The following SV2C variants were observed in gnomAD, a reference collection of about 807,000 sequenced individuals.
The protein encoded by SV2C is solute carrier family 22 member B3.
A neutral mutation model predicts 79.7 loss-of-function variants in SV2C; 49 were observed. The ratio of observed to expected loss-of-function variants is 0.61; its 90% CI spans 0.49 to 0.78. SV2C has a LOEUF of 0.78. Among genes scored for constraint, SV2C ranks in the 30% least tolerant of loss-of-function variants. SV2C has a pLI of 0.00. For synonymous variants in SV2C, 334 were observed against 333.2 expected (o/e 1.00, Z -0.03); for missense variants, 833 against 912.9 (o/e 0.91, Z 1.13).
chr5:76,069,198 C>CA, the SV2C span, among the ~76,000 whole-genome samples: 1 of 152,162 alleles, frequency 6.6e-6, no homozygotes, highest in Non-Finnish European at 1.5e-5. Flanking sequence ...ATCTGGGGTG[C>CA]AGATTCTCTA....
In SV2C at chr5:76,324,261, G is replaced by T. The variant is rs140595843; in HGVS notation, c.2001-1103G>T. On this transcript the variant is annotated intron_variant, in intron 12 of 12. Transcript: ENST00000502798. The stretch of plus-strand genomic sequence containing the variant: ...AGGTGTAAGACACCCTGCTCAGCCT[G>T]CCATACATTTTAACTTTGGAATGAA... 7.5e-3 allele frequency among the ~76,000 whole-genome samples: 1,146 copies of T among 152,154 alleles called. 18 individuals carry two copies. Among genetic ancestry groups the T allele is most frequent in the African/African-American group, 0.026 (1,073 of 41,488 alleles).
At chr5:76,077,630 T>A in the SV2C span, among the ~76,000 whole-genome samples, 1 of 152,190 alleles carries the variant, frequency 6.6e-6, no homozygotes, top group Non-Finnish European at 1.5e-5. Flanking sequence ...AGCAATCCAC[T>A]TGCCAAACTG....
rs182632736 is a variant in SV2C at position 76,131,510 on chromosome 5, A to G, written c.-101-140A>G. ...CTAGGGTGTACATGTATATACAGTG[A>G]GATCAAAAAAAAAAAAAAAAGGAAA... On this transcript the variant is annotated intron_variant, in intron 1 of 12. Coordinates refer to ENST00000502798, the MANE Select transcript of SV2C (RefSeq NM_014979.4). 9.9e-5 allele frequency: 29 copies of G among 292,000 alleles called. 1 individual carries two copies. In the East Asian group the frequency reaches 1.7e-3, roughly 17 times the overall value. 18.1% of individuals were successfully genotyped at this position (292,000 alleles called of 1,614,324 possible). A position where few individuals can be genotyped will look rare whatever the true frequency, so the allele number is the denominator to read the frequency against.
intron 4 of SV2C, among the ~76,000 whole-genome samples, chr5:76,231,634 G>A (rs1487730066): frequency 7.2e-6 from 1 of 139,800 alleles, no homozygotes; most frequent in African/African-American, 3.2e-5. Context: ...TCCCCTTCCT[G>A]TGTCCATGTG....
At chr5:76,267,177 T>C (rs1488347884) in intron 4 of SV2C, among the ~76,000 whole-genome samples, 1 of 152,198 alleles carries the variant, frequency 6.6e-6, no homozygotes, top group Non-Finnish European at 1.5e-5. Context: ...TAGTAACATG[T>C]GGGAATGAGT....
At chr5:76,212,341 G>T (rs1744789767) in intron 4 of SV2C, among the ~76,000 whole-genome samples, 1 of 152,102 alleles carries the variant, frequency 6.6e-6, no homozygotes, top group African/African-American at 2.4e-5. Context: ...TTCAAATAAG[G>T]GCTGCTCCAG....
chr5:76,318,305 C>T (rs1748705240), intron 12 of SV2C, among the ~76,000 whole-genome samples: 1 of 152,060 alleles, frequency 6.6e-6, no homozygotes, highest in South Asian at 2.1e-4. Context: ...GTAATCCCAG[C>T]TACTTGGGAG....
chr5:76,209,749 A>G lies in SV2C; in HGVS notation c.775A>G (p.Ile259Val). 1 of 1,614,138 alleles carries G rather than the reference A, an allele frequency of 6.2e-7. No individual in the cohort carries two copies. The highest frequency in any genetic ancestry group is 8.5e-7 in the Non-Finnish European group (1 of 1,179,982). Reference sequence around the variant, plus strand: ...ACCTCTTGGCAGGATTGGAGGAGCCATACCCACTGTGTTCTCGTACTTTGC... The same window carrying G: ...ACCTCTTGGCAGGATTGGAGGAGCCGTACCCACTGTGTTCTCGTACTTTGC... ...LLSGFGIGGAIPTVFSYFAEV... is the reference protein window; with the variant it reads ...LLSGFGIGGAVPTVFSYFAEV... The change falls in exon 4 of 13, where the codon ATA becomes GTA. Residue 259 changes from isoleucine to valine, a missense_variant. Physicochemically the swap from Ile to Val is conservative, Grantham distance 29. Transcript: ENST00000502798.
intron 1 of SV2C, among the ~76,000 whole-genome samples, chr5:76,100,673 C>G (rs1470876307): frequency 6.6e-6 from 1 of 152,122 alleles, no homozygotes; most frequent in Non-Finnish European, 1.5e-5. Flanking sequence ...AGAGCTCAGA[C>G]AAGTTGTCTA....
intron 4 of SV2C, among the ~76,000 whole-genome samples, chr5:76,247,093 A>G (rs1306066074): frequency 6.6e-6 from 1 of 152,240 alleles, no homozygotes; most frequent in Non-Finnish European, 1.5e-5. Context: ...ATTAAAGATT[A>G]GAAACTCAAA....
intron 2 of SV2C, among the ~76,000 whole-genome samples, chr5:76,168,830 C>T (rs1743126191): frequency 6.6e-6 from 1 of 152,120 alleles, no homozygotes; most frequent in African/African-American, 2.4e-5. Context: ...CTTTTAACCC[C>T]GAAGAGGAAA....
At chr5:76,187,082 C>T (rs750688009) in intron 2 of SV2C, among the ~76,000 whole-genome samples, 1 of 152,146 alleles carries the variant, frequency 6.6e-6, no homozygotes, top group Non-Finnish European at 1.5e-5. Context: ...TATGCGATGT[C>T]CATGGTACAC....
At chr5:76,093,262 T>C (rs1317921861) in intron 1 of SV2C, among the ~76,000 whole-genome samples, 1 of 152,094 alleles carries the variant, frequency 6.6e-6, no homozygotes, top group Non-Finnish European at 1.5e-5. Context: ...TGGAGGTGCT[T>C]ATCAAGTTCT....
At chr5:76,262,998 G>A (rs189653154) in intron 4 of SV2C, among the ~76,000 whole-genome samples, 14 of 152,264 alleles carry the variant, frequency 9.2e-5, no homozygotes, top group Non-Finnish European at 1.6e-4. Context: ...TTAATTTTCT[G>A]TCTCATTGAT....
the SV2C span, among the ~76,000 whole-genome samples, chr5:75,906,058 C>T: frequency 3.3e-5 from 5 of 151,626 alleles, no homozygotes; most frequent in East Asian, 9.7e-4. Context: ...AGCACAGCTA[C>T]AAGCTAAAGA....
chr5:76,297,463 AT>A (rs1213411794), intron 9 of SV2C, among the ~76,000 whole-genome samples: 3 of 152,138 alleles, frequency 2.0e-5, no homozygotes, highest in African/African-American at 7.2e-5. Context: ...AACCTTTCGA[AT>A]TGTGCACCAT....
At chr5:76,031,012 A>C in the SV2C span, among the ~76,000 whole-genome samples, 1 of 152,234 alleles carries the variant, frequency 6.6e-6, no homozygotes. Context: ...TTACCAAGCA[A>C]TATAAATGGT....
At chr5:75,973,963 T>C in the SV2C span, among the ~76,000 whole-genome samples, 3 of 152,000 alleles carry the variant, frequency 2.0e-5, no homozygotes, top group Non-Finnish European at 4.4e-5. Flanking sequence ...GATGGGAATA[T>C]GGTATTATTA....
chr5:76,195,180 A>C (rs967226999), intron 3 of SV2C, 81 bp downstream of exon 3: 1 of 1,426,612 alleles, frequency 7.0e-7, no homozygotes, highest in East Asian at 2.3e-5. Context: ...ATTGGGAGGA[A>C]ATTATCCCTT....
Sources: allele counts gnomAD v4.1 joint callset (sites outside exome capture counted in the v4.1 genomes callset), GRCh38; gene constraint gnomAD v4.1.1; transcripts MANE v1.5; gene names NCBI Gene and HGNC (gene_info 2026-07-23, HGNC 2026-07-21).